Variants in ARHGAP17 observed in about 807,000 individuals in gnomAD.
ARHGAP17 encodes the protein rho GTPase-activating protein 17.
ARHGAP17 carries 57 observed loss-of-function variants against 99.5 expected under a neutral mutation model. The ratio of observed to expected loss-of-function variants is 0.57; its 90% CI spans 0.46 to 0.71. The LOEUF (loss-of-function observed/expected upper bound fraction) is 0.71, where lower values mean the gene tolerates loss of function less well. ARHGAP17 is among the 30% of genes least tolerant of loss of function. The probability of loss-of-function intolerance (pLI) is 0.00; values close to 1 mark genes in which losing one functional copy is unlikely to be tolerated. For synonymous variants in ARHGAP17, 417 were observed against 429.6 expected (o/e 0.97, Z 0.36); for missense variants, 1,000 against 1,122.4 (o/e 0.89, Z 1.56).
At chr16:24,968,158 C>T (rs983987042) in intron 6 of ARHGAP17, among the ~76,000 whole-genome samples, 193 bp downstream of exon 6, 3 of 152,198 alleles carry the variant, frequency 2.0e-5, no homozygotes, top group African/African-American at 7.2e-5. Flanking sequence ...TCACTAAGAA[C>T]AGGATGTTCT....
intron 11 of ARHGAP17, 95 bp from the exon 12 acceptor site, chr16:24,952,465 G>A (rs1290322448): frequency 1.4e-5 from 13 of 904,968 alleles, no homozygotes; most frequent in Middle Eastern, 4.4e-4. Context: ...TCTCAATAAC[G>A]ATCTTCCAAG....
At chr16:24,942,903 A>G (rs1396340159) in intron 15 of ARHGAP17, among the ~76,000 whole-genome samples, 1 of 152,222 alleles carries the variant, frequency 6.6e-6, no homozygotes, top group East Asian at 1.9e-4. Context: ...GAATGCTAGC[A>G]TTCGCTCATC....
At chr16:24,967,888 G>C (rs984241346) in intron 6 of ARHGAP17, among the ~76,000 whole-genome samples, 5 of 152,112 alleles carry the variant, frequency 3.3e-5, no homozygotes, top group African/African-American at 4.8e-5. Flanking sequence ...TCCTTCGCTG[G>C]CATCAGTCCC....
chr16:25,005,846 T>C (rs370250830), intron 1 of ARHGAP17, among the ~76,000 whole-genome samples: 4 of 152,374 alleles, frequency 2.6e-5, no homozygotes, highest in South Asian at 4.1e-4. Context: ...ATATTCATCA[T>C]GTCATGCATA....
At chr16:24,935,988 G>C in intron 17 of ARHGAP17, 1 of 340,278 alleles carries the variant, frequency 2.9e-6, no homozygotes, top group Non-Finnish European at 5.7e-6. Flanking sequence ...CATCAGACTG[G>C]ACTCCAACGA....
intron 1 of ARHGAP17, among the ~76,000 whole-genome samples, chr16:25,007,153 T>C (rs552394105): frequency 2.0e-5 from 3 of 152,300 alleles, no homozygotes; most frequent in East Asian, 3.9e-4. Flanking sequence ...CCAAGATAAA[T>C]AAGTTTAAAG....
chr16:24,966,527 G>C (rs1032537517), intron 6 of ARHGAP17, among the ~76,000 whole-genome samples: 2 of 152,056 alleles, frequency 1.3e-5, no homozygotes, highest in African/African-American at 4.8e-5. Flanking sequence ...CAACTATTAA[G>C]GAGGCTGAGA....
intron 17 of ARHGAP17, 51 bp from the exon 18 acceptor site, chr16:24,935,690 T>C (rs775463096): frequency 3.3e-5 from 52 of 1,575,518 alleles, no homozygotes; most frequent in Non-Finnish European, 4.4e-5. Flanking sequence ...AGCTAGAAAA[T>C]CTGAACATAC....
At chr16:24,947,405 TA>T in intron 14 of ARHGAP17, 76 bp downstream of exon 14, 1 of 1,275,638 alleles carries the variant, frequency 7.8e-7, no homozygotes. Context: ...CTAGAATGTG[TA>T]ACCTGAGTTA....
intron 1 of ARHGAP17, among the ~76,000 whole-genome samples, chr16:24,990,447 C>T (rs999427086): frequency 6.6e-6 from 1 of 151,670 alleles, no homozygotes; most frequent in Non-Finnish European, 1.5e-5. Flanking sequence ...GATCGTGCCA[C>T]TGCACTCCAG....
intron 1 of ARHGAP17, among the ~76,000 whole-genome samples, chr16:25,008,262 T>A (rs997441350): frequency 1.2e-4 from 18 of 152,346 alleles, no homozygotes; most frequent in African/African-American, 4.3e-4. Flanking sequence ...ATGCATAATC[T>A]TCATGCATAT....
intron 13 of ARHGAP17, among the ~76,000 whole-genome samples, chr16:24,947,903 T>C (rs899648664): frequency 3.3e-5 from 5 of 152,234 alleles, no homozygotes; most frequent in African/African-American, 1.2e-4. Flanking sequence ...TTATAAGTTA[T>C]AATGTGTTAA....
At position 24,939,554 on chromosome 16, in the gene ARHGAP17, C is replaced by T. The variant is rs747068803; in HGVS notation, c.1534G>A (p.Gly512Ser). The T allele has an allele frequency of 1.2e-6, 2 of 1,606,048 alleles. No homozygotes were observed. The highest frequency in any genetic ancestry group is 1.7e-6 in the Non-Finnish European group (2 of 1,177,070). ...LMDFQAHRRG[G>S]TLNRKHISPA... ...GATATGTGCTTTCTATTTAGAGTGC[C>T]ACCCCGCCGGTGGGCCTGGAAGTCC... Residue 512 changes from glycine to serine, a missense_variant, in exon 17 of 20, where the codon GGC becomes AGC. Gly to Ser is a moderately conservative substitution (Grantham distance 56). Transcript: ENST00000289968.
At chr16:24,961,586 G>A (rs2052003236) in intron 7 of ARHGAP17, among the ~76,000 whole-genome samples, 1 of 129,092 alleles carries the variant, frequency 7.7e-6, no homozygotes, top group Non-Finnish European at 1.5e-5. Flanking sequence ...GCTGGAGTCT[G>A]GTGGCGCAAT....
At chr16:24,936,390 T>C (rs1057131089) in intron 17 of ARHGAP17, 5 of 152,872 alleles carry the variant, frequency 3.3e-5, no homozygotes, top group African/African-American at 1.2e-4. Context: ...TACATAAAAA[T>C]ACCTACAGAA....
intron 1 of ARHGAP17, 70 bp downstream of exon 1, chr16:25,015,139 T>TTG: frequency 4.2e-6 from 5 of 1,195,766 alleles, no homozygotes; most frequent in African/African-American, 3.4e-5. Context: ...GGAGGAGCCG[T>TTG]CCCGCCCCCG....
At chr16:24,982,980 A>ATATATATATATATATATATATATATT (rs2052725948) in intron 1 of ARHGAP17, among the ~76,000 whole-genome samples, 1 of 16,874 alleles carries the variant, frequency 5.9e-5, no homozygotes, top group African/African-American at 2.3e-4. Flanking sequence ...ATATATATAT[A>ATATATATATATATATATATATATATT]TATATATATA....
At chr16:24,930,104 TA>T (rs1301108237) in intron 19 of ARHGAP17, among the ~76,000 whole-genome samples, 3 of 152,226 alleles carry the variant, frequency 2.0e-5, no homozygotes, top group Non-Finnish European at 2.9e-5. Flanking sequence ...TCTAGACTAT[TA>T]AAAATATGCC....
At chr16:24,927,890 G>A (rs1315196334) in intron 19 of ARHGAP17, among the ~76,000 whole-genome samples, 1 of 152,096 alleles carries the variant, frequency 6.6e-6, no homozygotes, top group Non-Finnish European at 1.5e-5. Flanking sequence ...CCAGAATGCC[G>A]GCATCCTCCA....
Sources: gnomAD v4.1 joint callset for allele counts (sites outside exome capture counted in the v4.1 genomes callset) on GRCh38, gnomAD v4.1.1 for gene constraint, MANE v1.5 for transcripts, NCBI Gene and HGNC (gene_info 2026-07-23, HGNC 2026-07-21) for gene names.